SYTL5: variants seen among roughly 807,000 people sequenced by gnomAD.
The protein encoded by SYTL5 is synaptotagmin like 5.
In SYTL5, 34 loss-of-function variants were observed where a neutral mutation model predicts 55.9. The ratio of observed to expected loss-of-function variants is 0.61; its 90% CI spans 0.46 to 0.81. The LOEUF (loss-of-function observed/expected upper bound fraction) is 0.81, where lower values mean the gene tolerates loss of function less well. SYTL5 is among the 30% of genes least tolerant of loss of function. The pLI is 0.00. For synonymous variants in SYTL5, 221 were observed against 188.7 expected (o/e 1.17, Z -1.40); for missense variants, 637 against 546.7 (o/e 1.17, Z -1.65).
At chrX:38,116,552 A>G (rs1937492279) in intron 13 of SYTL5, among the ~76,000 whole-genome samples, 1 of 112,659 alleles carries the variant, frequency 8.9e-6, no homozygotes, top group Non-Finnish European at 1.9e-5. Context: ...ACATAAGAAT[A>G]CTTTCAAAGT....
At chrX:37,930,134 C>T in the SYTL5 span, among the ~76,000 whole-genome samples, 12 of 111,894 alleles carry the variant, frequency 1.1e-4, no homozygotes, top group African/African-American at 3.6e-4. Context: ...CAACCTGACC[C>T]GTCCGCTGAG....
intron 14 of SYTL5, 91 bp from the exon 15 acceptor site, chrX:38,121,989 A>T: frequency 2.3e-6 from 2 of 867,123 alleles, no homozygotes; most frequent in Middle Eastern, 3.5e-4. Context: ...ATGTTTGTAG[A>T]TGATCTTTGT....
chrX:37,924,862 T>C, the SYTL5 span, among the ~76,000 whole-genome samples: 1 of 112,020 alleles, frequency 8.9e-6, no homozygotes. Context: ...CTATTTATCT[T>C]TTCTTTGTGT....
chrX:38,087,308 C>T (rs1471256938), intron 6 of SYTL5, among the ~76,000 whole-genome samples: 1 of 112,059 alleles, frequency 8.9e-6, no homozygotes, highest in Non-Finnish European at 1.9e-5. Context: ...TATGCCTCTC[C>T]TAAGTAGAAC....
At chrX:38,028,339 T>C (rs12009307) in intron 1 of SYTL5, among the ~76,000 whole-genome samples, 33,253 of 111,547 alleles carry the variant, frequency 0.3, 6,977 homozygotes, top group African/African-American at 0.75. Flanking sequence ...GGTAAAATAA[T>C]CAGTTTCTCC....
At chrX:38,120,201 C>T (rs1461846849) in intron 13 of SYTL5, among the ~76,000 whole-genome samples, 157 bp from the exon 14 acceptor site, 1 of 112,123 alleles carries the variant, frequency 8.9e-6, no homozygotes, top group African/African-American at 3.2e-5. Context: ...TTTCTCTTAC[C>T]TCAGTCATCT....
the SYTL5 span, among the ~76,000 whole-genome samples, chrX:37,977,525 G>A: frequency 1.8e-5 from 2 of 109,699 alleles, no homozygotes; most frequent in Non-Finnish European, 3.8e-5. Context: ...AGGAAATGAG[G>A]AATAATGCAA....
chrX:38,033,736 T>C lies in SYTL5; in HGVS notation c.-154T>C. ...CGTATAGCCTGAAAGAATACTTAAC[T>C]ACCATACGCAATTCTGCAGAGACCT... is the stretch of plus-strand genomic sequence containing the variant. On this transcript the variant is annotated 5_prime_UTR_variant, in exon 2 of 17. Coordinates refer to ENST00000297875, the MANE Select transcript of SYTL5 (RefSeq NM_138780.3). The C allele has an allele frequency of 2.9e-6, 1 of 345,113 alleles. No individual in the cohort carries two copies. The allele number at this position is 345,113 out of a possible 1,213,427, so 28.4% of individuals were successfully genotyped here. A position where few individuals can be genotyped will look rare whatever the true frequency, so the allele number is the denominator to read the frequency against.
At chrX:38,022,563 T>C (rs1245167307) in intron 1 of SYTL5, among the ~76,000 whole-genome samples, 1 of 111,926 alleles carries the variant, frequency 8.9e-6, no homozygotes, top group South Asian at 3.7e-4. Context: ...CCTCTGCTTA[T>C]GTCGTCACAC....
intron 2 of SYTL5, among the ~76,000 whole-genome samples, 192 bp from the exon 3 acceptor site, chrX:38,054,021 T>A (rs941386463): frequency 1.8e-5 from 2 of 112,097 alleles, no homozygotes; most frequent in Non-Finnish European, 3.8e-5. Flanking sequence ...ATTAAAGAGA[T>A]GGGAATTGAA....
At chrX:37,907,802 A>T in the SYTL5 span, among the ~76,000 whole-genome samples, 1 of 112,602 alleles carries the variant, frequency 8.9e-6, no homozygotes, top group African/African-American at 3.2e-5. Flanking sequence ...CAAAGTGTGG[A>T]TCCTCAGAAT....
chrX:37,935,547 G>C, the SYTL5 span, among the ~76,000 whole-genome samples: 2 of 112,167 alleles, frequency 1.8e-5, no homozygotes, highest in African/African-American at 6.5e-5. Context: ...TGTCTGTATT[G>C]ATGGGCATGC....
At chrX:38,037,032 C>T (rs1008852825) in intron 2 of SYTL5, among the ~76,000 whole-genome samples, 3 of 111,646 alleles carry the variant, frequency 2.7e-5, no homozygotes, top group African/African-American at 9.8e-5. Flanking sequence ...CCTCTCACCT[C>T]CTAGTTTTCA....
the SYTL5 span, among the ~76,000 whole-genome samples, chrX:37,928,394 T>G: frequency 3.6e-5 from 4 of 111,886 alleles, no homozygotes; most frequent in South Asian, 1.5e-3. Context: ...GAGCCAAGCC[T>G]GGATCACCAC....
chrX:37,983,260 C>A, the SYTL5 span, among the ~76,000 whole-genome samples: 5 of 111,839 alleles, frequency 4.5e-5, no homozygotes, highest in African/African-American at 1.6e-4. Flanking sequence ...AATTAAAAAA[C>A]AAGATCCAAC....
chrX:37,947,571 A>G, the SYTL5 span, among the ~76,000 whole-genome samples: 5 of 112,026 alleles, frequency 4.5e-5, no homozygotes, highest in African/African-American at 1.6e-4. Flanking sequence ...TAAATTACAC[A>G]GTCTCAGGTA....
At chrX:38,052,112 C>G (rs1935639162) in intron 2 of SYTL5, among the ~76,000 whole-genome samples, 1 of 111,721 alleles carries the variant, frequency 9.0e-6, no homozygotes, top group Non-Finnish European at 1.9e-5. Flanking sequence ...AGAAGATGAC[C>G]AGGTCAAAGA....
Position 38,110,337 on chromosome X carries a change from C to T in SYTL5, c.1451C>T (p.Thr484Ile), listed in dbSNP as rs1186395493. 3.3e-6 allele frequency: 4 copies of T among 1,205,191 alleles called. No homozygotes were observed. The highest frequency in any genetic ancestry group is 4.5e-6 in the Non-Finnish European group (4 of 892,064). The change falls in exon 13 of 17, where the codon ACC (threonine) becomes ATC (isoleucine). Residue 484 changes from threonine (T) to isoleucine (I), a missense_variant. By Grantham distance (89) the Thr-to-Ile change is moderately conservative. Transcript: ENST00000297875. Reference sequence around the variant, plus strand: ...CATTCGCAGTACACTATCAGCCATACCCAGCTGGAAACAAGAACTCTGCAG... The same window carrying T: ...CATTCGCAGTACACTATCAGCCATATCCAGCTGGAAACAAGAACTCTGCAG... The part of the protein sequence containing the change: ...NETLKYTISH[T>I]QLETRTLQLS...
chrX:38,070,434 C>T (rs180843808), intron 3 of SYTL5, among the ~76,000 whole-genome samples: 1 of 110,792 alleles, frequency 9.0e-6, no homozygotes, highest in Admixed American at 9.6e-5. Context: ...TTTCCCTTTA[C>T]TCCTCACCTC....
Sources: allele counts gnomAD v4.1 joint callset (sites outside exome capture counted in the v4.1 genomes callset), GRCh38; gene constraint gnomAD v4.1.1; transcripts MANE v1.5; gene names NCBI Gene and HGNC (gene_info 2026-07-23, HGNC 2026-07-21).